The following RALYL variants were observed in gnomAD, a reference collection of about 807,000 sequenced individuals.
The protein encoded by RALYL is RNA-binding Raly-like protein.
A neutral mutation model predicts 35.1 loss-of-function variants in RALYL; 29 were observed. That is an observed-to-expected ratio of 0.83 (90% CI 0.61 to 1.13). The LOEUF is 1.13. Ranked by LOEUF, RALYL falls within the 50% of genes most tolerant of loss-of-function variation. RALYL has a pLI of 0.00. For missense variants in RALYL, 359 were observed against 360.4 expected (o/e 1.00, Z 0.03); for synonymous variants, 120 against 127.6 (o/e 0.94, Z 0.40).
intron 2 of RALYL, among the ~76,000 whole-genome samples, chr8:84,699,675 C>G (rs1008918835): frequency 6.6e-6 from 1 of 152,104 alleles, no homozygotes; most frequent in Non-Finnish European, 1.5e-5. Flanking sequence ...TTTCAATGCA[C>G]TAATTGGAGA....
intron 2 of RALYL, among the ~76,000 whole-genome samples, chr8:84,666,982 T>C (rs540523426): frequency 2.4e-4 from 37 of 152,236 alleles, no homozygotes; most frequent in Admixed American, 2.0e-3. Flanking sequence ...TGTGATTACA[T>C]TCCTGAATGA....
chr8:84,577,881 T>TAA (rs1319104029), intron 2 of RALYL, among the ~76,000 whole-genome samples: 1 of 152,156 alleles, frequency 6.6e-6, no homozygotes, highest in Non-Finnish European at 1.5e-5. Context: ...CAAAACATAG[T>TAA]AAATAGAGCA....
intron 2 of RALYL, among the ~76,000 whole-genome samples, chr8:84,576,542 C>T (rs536184355): frequency 6.6e-6 from 1 of 152,220 alleles, no homozygotes; most frequent in East Asian, 1.9e-4. Context: ...ACACAGGTGC[C>T]ACCACTCCCT....
chr8:84,904,639 G>A (rs1439333201), intron 8 of RALYL, among the ~76,000 whole-genome samples: 2 of 151,066 alleles, frequency 1.3e-5, no homozygotes, highest in Admixed American at 1.3e-4. Flanking sequence ...TCTAGTGATT[G>A]TAGAGTTGCT....
At chr8:84,682,303 T>C (rs1392974447) in intron 2 of RALYL, among the ~76,000 whole-genome samples, 2 of 152,174 alleles carry the variant, frequency 1.3e-5, no homozygotes, top group Non-Finnish European at 2.9e-5. Flanking sequence ...AAAATTCTCT[T>C]TTTTTGTTGT....
chr8:84,669,494 C>A (rs796821281), intron 2 of RALYL, among the ~76,000 whole-genome samples: 2 of 64,070 alleles, frequency 3.1e-5, no homozygotes, highest in African/African-American at 6.7e-5. Flanking sequence ...CCCTCCCCCC[C>A]CCCCCACTCT....
At chr8:84,282,674 A>G (rs1563664403) in intron 1 of RALYL, among the ~76,000 whole-genome samples, 1 of 132,294 alleles carries the variant, frequency 7.6e-6, no homozygotes, top group Non-Finnish European at 1.6e-5. Context: ...ATTGAGGAGC[A>G]GATATCTAAG....
chr8:84,245,294 A>C (rs1422793980), intron 1 of RALYL, among the ~76,000 whole-genome samples: 2 of 152,218 alleles, frequency 1.3e-5, no homozygotes, highest in African/African-American at 4.8e-5. Flanking sequence ...GCAGAAACAC[A>C]AAAGACTCAT....
At chr8:84,844,253 A>T (rs908918187) in intron 4 of RALYL, among the ~76,000 whole-genome samples, 13 of 152,254 alleles carry the variant, frequency 8.5e-5, no homozygotes, top group Non-Finnish European at 1.6e-4. Flanking sequence ...ATCTACAATG[A>T]ACTCAAACAA....
chr8:84,732,668 T>TTATATATATATGTGTATATA (rs780316979), intron 2 of RALYL, among the ~76,000 whole-genome samples: 1 of 132,494 alleles, frequency 7.5e-6, no homozygotes, highest in African/African-American at 3.2e-5. Flanking sequence ...TATTAAATAA[T>TTATATATATATGTGTATATA]TATATATATA....
At chr8:84,235,173 CAG>C (rs1826234310) in intron 1 of RALYL, among the ~76,000 whole-genome samples, 1 of 152,230 alleles carries the variant, frequency 6.6e-6, no homozygotes, top group South Asian at 2.1e-4. Flanking sequence ...TTGCATTCTT[CAG>C]AGTTTCTTTT....
intron 2 of RALYL, among the ~76,000 whole-genome samples, chr8:84,611,230 A>G (rs928993186): frequency 6.6e-6 from 1 of 152,060 alleles, no homozygotes; most frequent in Non-Finnish European, 1.5e-5. Context: ...GTTTTTTGTG[A>G]TTTGATTGAT....
chr8:84,258,399 A>T (rs1465789211), intron 1 of RALYL, among the ~76,000 whole-genome samples: 1 of 152,202 alleles, frequency 6.6e-6, no homozygotes, highest in Non-Finnish European at 1.5e-5. Flanking sequence ...GAAACAGTAA[A>T]TACAGTCCTG....
chr8:84,649,729 T>C (rs1267554112), intron 2 of RALYL, among the ~76,000 whole-genome samples: 1 of 152,136 alleles, frequency 6.6e-6, no homozygotes, highest in African/African-American at 2.4e-5. Flanking sequence ...CCTCCAGCTT[T>C]GTTCTTTTGG....
chr8:84,291,533 T>TG (rs1344881090), intron 1 of RALYL, among the ~76,000 whole-genome samples: 2 of 152,172 alleles, frequency 1.3e-5, no homozygotes, highest in Non-Finnish European at 2.9e-5. Flanking sequence ...GGTCAAAAGT[T>TG]TAACTTTTAA....
At chr8:84,249,178 G>A (rs574240002) in intron 1 of RALYL, among the ~76,000 whole-genome samples, 18 of 152,106 alleles carry the variant, frequency 1.2e-4, no homozygotes, top group African/African-American at 2.6e-4. Context: ...AAACCCTAAC[G>A]TCACAAAATT....
At chr8:84,400,771 T>G (rs577861962) in intron 1 of RALYL, among the ~76,000 whole-genome samples, 1 of 152,312 alleles carries the variant, frequency 6.6e-6, no homozygotes, top group African/African-American at 2.4e-5. Flanking sequence ...GAAAGCTGTG[T>G]AGGCACCATT....
chr8:84,407,944 G>A (rs6981022), intron 1 of RALYL, among the ~76,000 whole-genome samples: 7,326 of 151,932 alleles, frequency 0.048, 377 homozygotes, highest in African/African-American at 0.13. Flanking sequence ...CAAGGCAAGT[G>A]GCAAGACTAG....
At chr8:84,425,496 A>T (rs1003140006) in intron 1 of RALYL, among the ~76,000 whole-genome samples, 1 of 152,154 alleles carries the variant, frequency 6.6e-6, no homozygotes, top group African/African-American at 2.4e-5. Flanking sequence ...GGAAATGCAG[A>T]AATCACCCGT....
Sources: allele counts gnomAD v4.1 joint callset (sites outside exome capture counted in the v4.1 genomes callset), GRCh38; gene constraint gnomAD v4.1.1; transcripts MANE v1.5; gene names NCBI Gene and HGNC (gene_info 2026-07-23, HGNC 2026-07-21).